FAM135B: variants seen among roughly 807,000 people sequenced by gnomAD.
FAM135B encodes family with sequence similarity 135 member B, also known as protein FAM135B.
Under a neutral mutation model 127.7 loss-of-function variants are expected in FAM135B, and 43 were observed. The ratio of observed to expected loss-of-function variants is 0.34; its 90% confidence interval spans 0.26 to 0.43. The LOEUF (loss-of-function observed/expected upper bound fraction) is 0.43. Ranked by LOEUF, FAM135B falls within the 20% of genes least tolerant of loss-of-function variation. The pLI, the probability that FAM135B is intolerant of heterozygous loss-of-function variation, is 1.00. For synonymous variants in FAM135B, 670 were observed against 665.1 expected, an observed-to-expected ratio of 1.01 and a Z score of -0.11; for missense variants, 1,558 against 1,725.6, an observed-to-expected ratio of 0.90 and a Z score of 1.72.
chr8:138,452,945 C>T (rs929182278), intron 1 of FAM135B, among the ~76,000 whole-genome samples: 1 of 152,182 alleles, frequency 6.6e-6, no homozygotes, highest in African/African-American at 2.4e-5. Flanking sequence ...GAGGAAGCTA[C>T]AACGTCTTCT....
At chr8:138,142,853 C>G (rs558226656) in intron 16 of FAM135B, 159 bp downstream of exon 16, 1 of 570,358 alleles carries the variant, frequency 1.8e-6, no homozygotes, top group Admixed American at 3.1e-5. Flanking sequence ...TACGCCAGAC[C>G]TGGTACTTAC....
intron 1 of FAM135B, among the ~76,000 whole-genome samples, chr8:138,473,471 C>T (rs911412406): frequency 5.3e-5 from 8 of 152,126 alleles, no homozygotes; most frequent in Non-Finnish European, 1.2e-4. Context: ...TCCCATCTTC[C>T]TGTAACACGG....
intron 11 of FAM135B, among the ~76,000 whole-genome samples, chr8:138,173,293 T>C (rs888721083): frequency 1.3e-5 from 2 of 152,156 alleles, no homozygotes; most frequent in Non-Finnish European, 2.9e-5. Context: ...ATAAGAACAC[T>C]TCTGTTTTAG....
chr8:138,488,961 G>A (rs533810967), intron 1 of FAM135B, among the ~76,000 whole-genome samples: 2 of 152,244 alleles, frequency 1.3e-5, no homozygotes, highest in East Asian at 1.9e-4. Flanking sequence ...CATCACGCCC[G>A]GCGTTTGTTT....
At chr8:138,411,209 T>C (rs1260112564) in intron 1 of FAM135B, among the ~76,000 whole-genome samples, 2 of 151,734 alleles carry the variant, frequency 1.3e-5, no homozygotes, top group East Asian at 1.9e-4. Flanking sequence ...AGAACAAAGC[T>C]GGAGGCATCA....
intron 1 of FAM135B, among the ~76,000 whole-genome samples, chr8:138,397,295 T>C (rs555528409): frequency 1.3e-5 from 2 of 152,326 alleles, no homozygotes; most frequent in East Asian, 3.9e-4. Flanking sequence ...CAGAGAAGGT[T>C]CTGTGTTGCA....
chr8:138,434,843 T>A (rs1176113948), intron 1 of FAM135B, among the ~76,000 whole-genome samples: 2 of 152,018 alleles, frequency 1.3e-5, no homozygotes, highest in Admixed American at 1.3e-4. Context: ...CAGTATTGTG[T>A]CACTAATAAC....
intron 19 of FAM135B, among the ~76,000 whole-genome samples, chr8:138,136,688 C>T (rs1346093641): frequency 6.6e-6 from 1 of 152,222 alleles, no homozygotes; most frequent in Non-Finnish European, 1.5e-5. Context: ...TCCTTTAAAA[C>T]CTAACTCATT....
intron 1 of FAM135B, among the ~76,000 whole-genome samples, chr8:138,405,263 A>G (rs939388301): frequency 6.6e-6 from 1 of 150,802 alleles, no homozygotes; most frequent in Non-Finnish European, 1.5e-5. Context: ...GTACAAGTGC[A>G]CAATGTGCAG....
chr8:138,377,300 A>G (rs183665670), intron 1 of FAM135B, among the ~76,000 whole-genome samples: 21 of 152,344 alleles, frequency 1.4e-4, no homozygotes, highest in Non-Finnish European at 2.8e-4. Flanking sequence ...AAGGCTCAGG[A>G]AGAGACCTCT....
intron 1 of FAM135B, among the ~76,000 whole-genome samples, chr8:138,444,815 A>G (rs1836016570): frequency 6.6e-6 from 1 of 152,226 alleles, no homozygotes; most frequent in African/African-American, 2.4e-5. Flanking sequence ...GCAGAACTGA[A>G]GGAGATAGAG....
intron 7 of FAM135B, among the ~76,000 whole-genome samples, chr8:138,217,434 T>A (rs184737355): frequency 0.029 from 4,248 of 145,548 alleles, 121 homozygotes; most frequent in East Asian, 0.14. Context: ...ATATATTTCT[T>A]TTTTTTTTTT....
Position 138,151,916 on chromosome 8 carries a change from C to T in FAM135B, c.2559G>A (p.Lys853=), listed in dbSNP as rs755891040. Residue 853 remains lysine (K), a synonymous_variant, in exon 13 of 20, where the codon AAG becomes AAA. Transcript: ENST00000395297. The part of the protein sequence containing the change: ...GYIDIPKGKG[K]QFDAQGHCLP... ...GACAGTGTCCTTGAGCATCAAACTG[C>T]TTCCCTTTCCCTTTGGGGATGTCTA... is the stretch of plus-strand genomic sequence containing the variant. 2 of 1,614,194 alleles carry T rather than the reference C, an allele frequency of 1.2e-6. No homozygotes were observed. Among genetic ancestry groups the T allele is most frequent in the Admixed American group, 1.7e-5 (1 of 60,024 alleles).
chr8:138,215,457 C>T (rs1818471340), intron 7 of FAM135B, among the ~76,000 whole-genome samples: 1 of 152,022 alleles, frequency 6.6e-6, no homozygotes, highest in South Asian at 2.1e-4. Context: ...CACCATGATC[C>T]CTGGAAATAA....
intron 19 of FAM135B, among the ~76,000 whole-genome samples, chr8:138,136,490 T>C (rs970896233): frequency 2.0e-5 from 3 of 152,344 alleles, no homozygotes; most frequent in African/African-American, 2.4e-5. Context: ...ATGCTAATAT[T>C]GGGCATCAGA....
chr8:138,438,506 G>C (rs1835586737), intron 1 of FAM135B: 1 of 152,170 alleles, frequency 6.6e-6, no homozygotes, highest in Non-Finnish European at 1.5e-5. Flanking sequence ...AACAGAGCTA[G>C]GCAGTAGTTA....
chr8:138,295,574 G>A (rs1825424635), intron 3 of FAM135B, among the ~76,000 whole-genome samples: 1 of 152,138 alleles, frequency 6.6e-6, no homozygotes, highest in Non-Finnish European at 1.5e-5. Context: ...GCCAGGACGA[G>A]GGGCACTTCC....
At chr8:138,376,379 T>G (rs1159816697) in intron 1 of FAM135B, among the ~76,000 whole-genome samples, 2 of 152,206 alleles carry the variant, frequency 1.3e-5, no homozygotes, top group African/African-American at 4.8e-5. Context: ...GCATCCTCTT[T>G]CCTGAATATT....
chr8:138,201,895 G>A (rs191507388), intron 7 of FAM135B, among the ~76,000 whole-genome samples: 2 of 152,176 alleles, frequency 1.3e-5, no homozygotes, highest in Non-Finnish European at 2.9e-5. Flanking sequence ...GGAGGCCGAG[G>A]CGGGCAGATC....
Sources: allele counts gnomAD v4.1 joint callset (sites outside exome capture counted in the v4.1 genomes callset), GRCh38; gene constraint gnomAD v4.1.1; transcripts MANE v1.5; gene names NCBI Gene and HGNC (gene_info 2026-07-23, HGNC 2026-07-21).